CRPPA: variants seen among roughly 807,000 people sequenced by gnomAD.
CRPPA encodes D-ribitol-5-phosphate cytidylyltransferase.
CRPPA carries 43 observed loss-of-function variants against 52.0 expected under a neutral mutation model. The observed-to-expected ratio is 0.83, with a 90% confidence interval of 0.65 to 1.07. CRPPA has a LOEUF of 1.07. Among genes scored for constraint, CRPPA ranks in the 50% least tolerant of loss-of-function variants. CRPPA has a pLI of 0.00. For missense variants in CRPPA, 629 were observed against 551.7 expected (o/e 1.14, Z -1.40); for synonymous variants, 250 against 203.5 (o/e 1.23, Z -1.94).
At chr7:16,290,558 T>A (rs1182560809) in intron 5 of CRPPA, among the ~76,000 whole-genome samples, 2 of 151,854 alleles carry the variant, frequency 1.3e-5, no homozygotes, top group Non-Finnish European at 3.0e-5. Flanking sequence ...GAAAAGGACA[T>A]ACCTTTGACA....
intron 3 of CRPPA, among the ~76,000 whole-genome samples, chr7:16,329,421 C>G (rs1047202745): frequency 2.6e-5 from 4 of 152,142 alleles, no homozygotes; most frequent in Admixed American, 1.3e-4. Context: ...AAAATATATT[C>G]CCCTCTAGAT....
intron 8 of CRPPA, among the ~76,000 whole-genome samples, chr7:16,245,176 CAT>C (rs1314924040): frequency 6.6e-6 from 1 of 152,148 alleles, no homozygotes; most frequent in Non-Finnish European, 1.5e-5. Flanking sequence ...CAATTACAAA[CAT>C]ATGTATACAT....
In CRPPA at chr7:16,091,814, T is replaced by C; in HGVS notation, c.1252-15A>G. 1 of 1,381,566 alleles carries C rather than the reference T, an allele frequency of 7.2e-7. No individual in the cohort carries two copies. Among genetic ancestry groups the C allele is most frequent in the Non-Finnish European group, 9.7e-7 (1 of 1,027,770 alleles). 85.6% of individuals were successfully genotyped at this position (1,381,566 alleles called of 1,614,324 possible). On this transcript the variant is annotated splice_polypyrimidine_tract_variant and intron_variant, in intron 9 of 9. Coordinates refer to ENST00000407010, the MANE Select transcript of CRPPA (RefSeq NM_001101426.4). ...TTCTGATCATCCTGAAAAGAAAGGA[T>C]AAACCAGTAATATTTTAGAAAAAAC...
At chr7:16,317,794 A>G (rs528199937) in intron 3 of CRPPA, among the ~76,000 whole-genome samples, 25 of 152,208 alleles carry the variant, frequency 1.6e-4, no homozygotes, top group African/African-American at 6.0e-4. Flanking sequence ...TGTGAGTTCT[A>G]TTTTCAATTG....
chr7:16,278,365 A>G, intron 5 of CRPPA, 139 bp from the exon 6 acceptor site: 1 of 602,976 alleles, frequency 1.7e-6, no homozygotes, highest in East Asian at 2.8e-5. Context: ...AAGTGGAGTA[A>G]TCTGTGTACA....
intron 3 of CRPPA, among the ~76,000 whole-genome samples, chr7:16,313,071 A>C (rs1260502167): frequency 6.6e-6 from 1 of 151,896 alleles, no homozygotes; most frequent in African/African-American, 2.4e-5. Flanking sequence ...GAATTAGGGT[A>C]ATTCTAGCAT....
intron 8 of CRPPA, among the ~76,000 whole-genome samples, chr7:16,233,188 T>G (rs1037172656): frequency 6.6e-6 from 1 of 151,894 alleles, no homozygotes; most frequent in Non-Finnish European, 1.5e-5. Context: ...AGACCACCAG[T>G]GAGATATGGA....
chr7:16,383,605 C>G (rs941286858), intron 2 of CRPPA, among the ~76,000 whole-genome samples: 15 of 152,238 alleles, frequency 9.9e-5, no homozygotes, highest in African/African-American at 3.6e-4. Context: ...GAGGTGGAGC[C>G]TACAGAGGCA....
intron 3 of CRPPA, among the ~76,000 whole-genome samples, chr7:16,356,624 A>AGCTGT (rs1230668617): frequency 2.6e-5 from 4 of 152,112 alleles, no homozygotes; most frequent in African/African-American, 9.7e-5. Context: ...CAGCCAATAG[A>AGCTGT]GACTACATTT....
intron 6 of CRPPA, among the ~76,000 whole-genome samples, chr7:16,260,849 G>A (rs1052503648): frequency 6.6e-6 from 1 of 151,958 alleles, no homozygotes; most frequent in African/African-American, 2.4e-5. Context: ...TAGGATCTTT[G>A]AGGACAGAAA....
chr7:16,339,346 A>C (rs1157912701), intron 3 of CRPPA, among the ~76,000 whole-genome samples: 1 of 152,202 alleles, frequency 6.6e-6, no homozygotes, highest in African/African-American at 2.4e-5. Context: ...ACTATACACC[A>C]TGACCAAGGG....
chr7:16,394,714 T>G (rs949483826), intron 2 of CRPPA, among the ~76,000 whole-genome samples: 1 of 152,116 alleles, frequency 6.6e-6, no homozygotes. Flanking sequence ...TTCCACAAAT[T>G]ACTAGGTTCT....
At chr7:16,363,397 T>C (rs1430010844) in intron 3 of CRPPA, among the ~76,000 whole-genome samples, 1 of 152,162 alleles carries the variant, frequency 6.6e-6, no homozygotes, top group Non-Finnish European at 1.5e-5. Context: ...TCTGAAACAT[T>C]GCAGCTAGCA....
intron 9 of CRPPA, among the ~76,000 whole-genome samples, chr7:16,155,258 G>A (rs1783155668): frequency 6.6e-6 from 1 of 152,078 alleles, no homozygotes; most frequent in Non-Finnish European, 1.5e-5. Context: ...TCTTATTTTA[G>A]AGGTGCAAAA....
At chr7:16,391,199 C>T (rs577554203) in intron 2 of CRPPA, among the ~76,000 whole-genome samples, 8 of 151,648 alleles carry the variant, frequency 5.3e-5, no homozygotes, top group Non-Finnish European at 1.0e-4. Flanking sequence ...AAACCTGTTC[C>T]TACAGACGGC....
At chr7:16,241,970 T>TTTTTTTTTTTTTTTTTG (rs1241010922) in intron 8 of CRPPA, among the ~76,000 whole-genome samples, 3 of 104,896 alleles carry the variant, frequency 2.9e-5, no homozygotes, top group African/African-American at 7.6e-5. Context: ...TTTTTTTTTG[T>TTTTTTTTTTTTTTTTTG]TGGGGGGAGA....
chr7:16,421,403 G>A lies in CRPPA; in HGVS notation c.-81C>T, dbSNP rs1335950743. ...GCTCCCACCCTCGGCCGGGGTCGCG[G>A]GGCGAAGGGCAGACCACGGAGAGGG... On this transcript the variant is annotated 5_prime_UTR_variant, in exon 1 of 10. Coordinates refer to ENST00000407010, the MANE Select transcript of CRPPA (RefSeq NM_001101426.4). 3.4e-6 allele frequency: 4 copies of A among 1,192,256 alleles called. No homozygotes were observed. The highest frequency in any genetic ancestry group is 4.2e-6 in the Non-Finnish European group (4 of 958,246). The allele number at this position is 1,192,256 out of a possible 1,614,324, so 73.9% of individuals were successfully genotyped here.
At chr7:16,148,999 A>C (rs988778601) in intron 9 of CRPPA, among the ~76,000 whole-genome samples, 1 of 152,292 alleles carries the variant, frequency 6.6e-6, no homozygotes, top group South Asian at 2.1e-4. Context: ...CTTACAAAAA[A>C]TATGTTTTCT....
chr7:16,344,253 C>T (rs1785945510), intron 3 of CRPPA, among the ~76,000 whole-genome samples: 1 of 151,672 alleles, frequency 6.6e-6, no homozygotes, highest in African/African-American at 2.4e-5. Context: ...CCTGCAGAAA[C>T]CTAGAATTTT....
Sources: gnomAD v4.1 joint callset for allele counts (sites outside exome capture counted in the v4.1 genomes callset) on GRCh38, gnomAD v4.1.1 for gene constraint, MANE v1.5 for transcripts, NCBI Gene and HGNC (gene_info 2026-07-23, HGNC 2026-07-21) for gene names.